L3MBTL4: variants seen among roughly 807,000 people sequenced by gnomAD.
L3MBTL4 encodes the protein lethal(3)malignant brain tumor-like protein 4.
In L3MBTL4, 70 loss-of-function variants were observed where a neutral mutation model predicts 84.5. The observed-to-expected ratio is 0.83, with a 90% CI of 0.68 to 1.01. The LOEUF (loss-of-function observed/expected upper bound fraction) is 1.01. L3MBTL4 is among the 50% of genes least tolerant of loss of function. The pLI, the probability that L3MBTL4 is intolerant of heterozygous loss-of-function variation, is 0.00. For synonymous variants in L3MBTL4, 274 were observed against 259.8 expected, an observed-to-expected ratio of 1.05 and a Z score of -0.52; for missense variants, 715 against 754.8, an observed-to-expected ratio of 0.95 and a Z score of 0.62.
At chr18:6,159,726 C>T (rs1467972935) in intron 13 of L3MBTL4, among the ~76,000 whole-genome samples, 1 of 152,078 alleles carries the variant, frequency 6.6e-6, no homozygotes, top group African/African-American at 2.4e-5. Context: ...TGTCGCGGCA[C>T]CTCAGTTTTT....
At chr18:5,985,818 A>G (rs2053439229) in intron 16 of L3MBTL4, among the ~76,000 whole-genome samples, 1 of 152,152 alleles carries the variant, frequency 6.6e-6, no homozygotes, top group Non-Finnish European at 1.5e-5. Context: ...GACAAAAAAC[A>G]GAGATCACAC....
intron 12 of L3MBTL4, among the ~76,000 whole-genome samples, chr18:6,203,624 C>G (rs548400877): frequency 1.6e-4 from 24 of 152,258 alleles, no homozygotes; most frequent in African/African-American, 5.5e-4. Context: ...GTATTACAAA[C>G]CAGGGAAAAG....
chr18:6,142,142 C>T (rs778484829), intron 13 of L3MBTL4, among the ~76,000 whole-genome samples: 3 of 152,208 alleles, frequency 2.0e-5, no homozygotes, highest in African/African-American at 4.8e-5. Context: ...ATAGCACCTA[C>T]CTCAATTACA....
intron 16 of L3MBTL4, among the ~76,000 whole-genome samples, chr18:6,070,237 T>C (rs1235929651): frequency 1.3e-5 from 2 of 152,110 alleles, no homozygotes; most frequent in African/African-American, 4.8e-5. Flanking sequence ...TATAAGGCAC[T>C]TCATAGTAAA....
intron 4 of L3MBTL4, among the ~76,000 whole-genome samples, chr18:6,278,440 C>G (rs975587717): frequency 6.6e-6 from 1 of 152,092 alleles, no homozygotes; most frequent in Non-Finnish European, 1.5e-5. Flanking sequence ...ATCATTATAC[C>G]TCCTTAGTAA....
At chr18:6,413,038 T>C (rs1374786418) in intron 1 of L3MBTL4, among the ~76,000 whole-genome samples, 1 of 152,160 alleles carries the variant, frequency 6.6e-6, no homozygotes, top group Admixed American at 6.5e-5. Flanking sequence ...TGAGCCATGA[T>C]GGTACCACTG....
chr18:6,081,311 G>C (rs530460409), intron 15 of L3MBTL4: 7 of 170,404 alleles, frequency 4.1e-5, no homozygotes, highest in Admixed American at 1.3e-4. Context: ...TGATTTTAAG[G>C]CTCATTATTT....
At chr18:5,989,708 G>T (rs1301633751) in intron 16 of L3MBTL4, among the ~76,000 whole-genome samples, 1 of 152,156 alleles carries the variant, frequency 6.6e-6, no homozygotes, top group Non-Finnish European at 1.5e-5. Context: ...CTGAGATTCC[G>T]CAGTTATTAT....
chr18:6,168,266 GA>G (rs2043781370), intron 13 of L3MBTL4, among the ~76,000 whole-genome samples: 1 of 151,482 alleles, frequency 6.6e-6, no homozygotes, highest in African/African-American at 2.4e-5. Flanking sequence ...GTAATTTACA[GA>G]TTCAATGCCA....
intron 13 of L3MBTL4, among the ~76,000 whole-genome samples, chr18:6,160,246 G>A (rs962112626): frequency 3.3e-5 from 5 of 152,198 alleles, no homozygotes; most frequent in African/African-American, 9.7e-5. Flanking sequence ...AGGAGCCGGC[G>A]TTCATTCCCT....
chr18:6,156,124 T>A (rs1048654373), intron 13 of L3MBTL4, among the ~76,000 whole-genome samples: 3 of 152,108 alleles, frequency 2.0e-5, no homozygotes, highest in South Asian at 2.1e-4. Context: ...AGAAAAAGCA[T>A]CTTTAAGAGG....
intron 14 of L3MBTL4, among the ~76,000 whole-genome samples, chr18:6,114,149 A>G (rs1357950370): frequency 6.6e-6 from 1 of 152,230 alleles, no homozygotes; most frequent in Non-Finnish European, 1.5e-5. Flanking sequence ...GATGACAGTG[A>G]GTAAAGCAGG....
At chr18:6,112,659 T>G (rs1301912606) in intron 14 of L3MBTL4, among the ~76,000 whole-genome samples, 1 of 152,218 alleles carries the variant, frequency 6.6e-6, no homozygotes, top group Non-Finnish European at 1.5e-5. Context: ...AATTTTTGTC[T>G]GAATCTCCAG....
At chr18:6,210,918 T>C (rs1419657137) in intron 12 of L3MBTL4, among the ~76,000 whole-genome samples, 2 of 152,184 alleles carry the variant, frequency 1.3e-5, no homozygotes, top group Admixed American at 6.5e-5. Context: ...GGTACTTGTA[T>C]CAACTAATTA....
rs2050354300 is a variant in L3MBTL4, at chr18:6,301,885, A to C, written c.127+18T>G. On this transcript the variant is annotated intron_variant, in intron 4 of 18. Transcript: ENST00000317931. ...TTGTTCACTGTGAACTACCACTGTA[A>C]ATATTGGTGATAATTACCGTGACTC... is the stretch of plus-strand genomic sequence containing the variant. 1.3e-6 allele frequency: 2 copies of C among 1,596,628 alleles called. No homozygotes were observed.
chr18:6,090,653 G>T (rs1319761808), intron 15 of L3MBTL4, among the ~76,000 whole-genome samples: 3 of 147,744 alleles, frequency 2.0e-5, no homozygotes, highest in Non-Finnish European at 3.0e-5. Context: ...TTTGAGACAG[G>T]GTCTCACTCT....
intron 4 of L3MBTL4, among the ~76,000 whole-genome samples, chr18:6,284,685 C>T (rs2049482889): frequency 2.0e-5 from 3 of 152,334 alleles, no homozygotes; most frequent in South Asian, 4.1e-4. Context: ...CCTATTCTGC[C>T]TCATCCTCTC....
chr18:6,397,379 C>T (rs886570259), intron 1 of L3MBTL4: 2 of 152,062 alleles, frequency 1.3e-5, no homozygotes, highest in Non-Finnish European at 2.9e-5. Flanking sequence ...TTGTCTATAG[C>T]TATGTGTAAT....
intron 4 of L3MBTL4, among the ~76,000 whole-genome samples, chr18:6,275,668 T>G (rs2049049808): frequency 6.6e-6 from 1 of 152,146 alleles, no homozygotes; most frequent in African/African-American, 2.4e-5. Flanking sequence ...TGTGGCAAAC[T>G]CAATCACGAC....
Sources: allele counts gnomAD v4.1 joint callset (sites outside exome capture counted in the v4.1 genomes callset), GRCh38; gene constraint gnomAD v4.1.1; transcripts MANE v1.5; gene names NCBI Gene and HGNC (gene_info 2026-07-23, HGNC 2026-07-21).